ULK4: variants seen among roughly 807,000 people sequenced by gnomAD.
ULK4 encodes unc-51 like kinase 4.
Under a neutral mutation model 160.6 loss-of-function variants are expected in ULK4, and 133 were observed. That is an observed-to-expected ratio of 0.83 (90% CI 0.72 to 0.96). The LOEUF (loss-of-function observed/expected upper bound fraction) is 0.96. Ranked by LOEUF, ULK4 falls within the 40% of genes least tolerant of loss-of-function variation. The pLI, the probability that ULK4 is intolerant of heterozygous loss-of-function variation, is 0.00. For synonymous variants in ULK4, 534 were observed against 539.8 expected (o/e 0.99, Z 0.15); for missense variants, 1,580 against 1,499.5 (o/e 1.05, Z -0.89).
intron 34 of ULK4, among the ~76,000 whole-genome samples, chr3:41,410,917 G>A (rs1205636336): frequency 6.6e-6 from 1 of 151,766 alleles, no homozygotes; most frequent in Admixed American, 6.6e-5. Context: ...ATTGGATTGA[G>A]GACCCACCAT....
intron 22 of ULK4, among the ~76,000 whole-genome samples, chr3:41,723,780 G>A (rs1334264368): frequency 1.3e-5 from 2 of 152,178 alleles, no homozygotes; most frequent in Non-Finnish European, 2.9e-5. Flanking sequence ...GCAAACAGGG[G>A]ACTAAGTAAA....
At chr3:41,594,851 A>T (rs1343811741) in intron 31 of ULK4, among the ~76,000 whole-genome samples, 1 of 152,140 alleles carries the variant, frequency 6.6e-6, no homozygotes. Context: ...CTGAAACAGG[A>T]TGGTGGCTTG....
At chr3:41,339,636 T>C (rs1575447051) in intron 35 of ULK4, among the ~76,000 whole-genome samples, 2 of 152,302 alleles carry the variant, frequency 1.3e-5, no homozygotes, top group East Asian at 3.9e-4. Context: ...CCAGGTGGAA[T>C]GGGGCTTTTC....
chr3:41,641,481 G>A (rs1183553686), intron 30 of ULK4, among the ~76,000 whole-genome samples: 1 of 152,178 alleles, frequency 6.6e-6, no homozygotes, highest in Non-Finnish European at 1.5e-5. Context: ...AGGATCACTT[G>A]AGCCCAGGAG....
chr3:41,913,508 A>T (rs372647434), intron 8 of ULK4, among the ~76,000 whole-genome samples: 2 of 152,308 alleles, frequency 1.3e-5, no homozygotes, highest in East Asian at 3.9e-4. Flanking sequence ...TACTGGCGTG[A>T]GCCACCGTGC....
chr3:41,867,804 A>T (rs1696950189), intron 17 of ULK4, among the ~76,000 whole-genome samples: 1 of 152,252 alleles, frequency 6.6e-6, no homozygotes, highest in South Asian at 2.1e-4. Context: ...GCAGCATCAC[A>T]AATGTGGTGA....
chr3:41,478,107 G>A (rs1352832043), intron 32 of ULK4, among the ~76,000 whole-genome samples: 3 of 152,166 alleles, frequency 2.0e-5, no homozygotes, highest in East Asian at 1.9e-4. Flanking sequence ...TTCTTTACCT[G>A]AAATCCTCAC....
At position 41,828,558 on chromosome 3, in the gene ULK4, G is replaced by T. The variant is rs2041455154; in HGVS notation, c.1764+7306C>A. On this transcript the variant is annotated intron_variant, in intron 18 of 36. Coordinates refer to ENST00000301831, the MANE Select transcript of ULK4 (RefSeq NM_017886.4). ...CTCCCATTCACAACTGCTTCAAAGA[G>T]AATAAAATACCTAGGAATCCAACTT... is the stretch of plus-strand genomic sequence containing the variant. Among the ~76,000 whole-genome samples the T allele has an allele frequency of 1.5e-5, 2 of 135,696 alleles. 1 individual carries two copies. Among genetic ancestry groups the T allele is most frequent in the Non-Finnish European group, 3.1e-5 (2 of 65,346 alleles). 89.0% of individuals were successfully genotyped at this position (135,696 alleles called of 152,430 possible).
intron 18 of ULK4, among the ~76,000 whole-genome samples, chr3:41,820,900 G>C (rs553625634): frequency 6.6e-6 from 1 of 152,180 alleles, no homozygotes; most frequent in African/African-American, 2.4e-5. Flanking sequence ...TCCACATATG[G>C]TTATACCCTG....
At chr3:41,248,574 CCTT>C (rs1436802999) in intron 36 of ULK4, among the ~76,000 whole-genome samples, 2 of 152,214 alleles carry the variant, frequency 1.3e-5, no homozygotes, top group Admixed American at 1.3e-4. Context: ...TGCAAACTCA[CCTT>C]CTTAGCAATG....
intron 5 of ULK4, among the ~76,000 whole-genome samples, chr3:41,927,773 T>G (rs947377703): frequency 6.6e-6 from 1 of 151,104 alleles, no homozygotes; most frequent in Non-Finnish European, 1.5e-5. Context: ...CATTACATAA[T>G]GGTAAAGGGA....
intron 34 of ULK4, among the ~76,000 whole-genome samples, chr3:41,432,397 C>T (rs923455437): frequency 6.6e-6 from 1 of 152,156 alleles, no homozygotes; most frequent in African/African-American, 2.4e-5. Flanking sequence ...TGTATTTCCA[C>T]AGGGAAAACC....
chr3:41,618,138 C>T (rs2033068184), intron 30 of ULK4, among the ~76,000 whole-genome samples: 1 of 152,266 alleles, frequency 6.6e-6, no homozygotes, highest in Admixed American at 6.5e-5. Context: ...AAGACCAAAC[C>T]TATGATTGAC....
At chr3:41,610,028 T>A (rs962369552) in intron 31 of ULK4, among the ~76,000 whole-genome samples, 1 of 151,508 alleles carries the variant, frequency 6.6e-6, no homozygotes, top group Non-Finnish European at 1.5e-5. Context: ...TTATTTTTTT[T>A]TTTTTGGAAA....
intron 30 of ULK4, among the ~76,000 whole-genome samples, chr3:41,618,193 A>G (rs970377505): frequency 6.6e-6 from 1 of 152,208 alleles, no homozygotes; most frequent in Non-Finnish European, 1.5e-5. Flanking sequence ...AAGTTAAAAA[A>G]CATATTTCAG....
intron 33 of ULK4, among the ~76,000 whole-genome samples, chr3:41,458,403 A>G (rs1451338074): frequency 6.6e-6 from 1 of 152,168 alleles, no homozygotes; most frequent in African/African-American, 2.4e-5. Flanking sequence ...CACCATTGAC[A>G]GTTATGCTCT....
intron 19 of ULK4, among the ~76,000 whole-genome samples, chr3:41,803,030 T>A (rs2040513272): frequency 6.6e-6 from 1 of 152,038 alleles, no homozygotes; most frequent in African/African-American, 2.4e-5. Context: ...CTGGGCATGG[T>A]GGCACGTGCT....
chr3:41,392,509 C>A (rs1010921097), intron 35 of ULK4, among the ~76,000 whole-genome samples: 15 of 152,220 alleles, frequency 9.9e-5, no homozygotes, highest in Admixed American at 3.3e-4. Flanking sequence ...CAAGATGATT[C>A]TCTAACAACC....
chr3:41,483,156 C>T (rs1340541947), intron 32 of ULK4, among the ~76,000 whole-genome samples: 1 of 152,134 alleles, frequency 6.6e-6, no homozygotes, highest in African/African-American at 2.4e-5. Flanking sequence ...CACTTTAGTC[C>T]TACCTCCCAC....
Sources: allele counts gnomAD v4.1 joint callset (sites outside exome capture counted in the v4.1 genomes callset), GRCh38; gene constraint gnomAD v4.1.1; transcripts MANE v1.5; gene names NCBI Gene and HGNC (gene_info 2026-07-23, HGNC 2026-07-21).